Variants in FSHR observed in about 807,000 individuals in gnomAD.
The protein encoded by FSHR is follicle-stimulating hormone receptor.
In FSHR, 46 loss-of-function variants were observed where a neutral mutation model predicts 52.1. The ratio of observed to expected loss-of-function variants is 0.88; its 90% CI spans 0.70 to 1.13. The LOEUF is 1.13. Ranked by LOEUF, FSHR falls within the 50% of genes most tolerant of loss-of-function variation. FSHR has a pLI of 0.00. For synonymous variants in FSHR, 399 were observed against 309.6 expected (o/e 1.29, Z -3.03); for missense variants, 964 against 834.6 (o/e 1.16, Z -1.91).
chr2:49,023,166 T>A (rs1415123880), intron 2 of FSHR, among the ~76,000 whole-genome samples: 2 of 152,202 alleles, frequency 1.3e-5, no homozygotes, highest in African/African-American at 4.8e-5. Flanking sequence ...CCTCCTTTAC[T>A]CTACCAGCAC....
chr2:49,079,667 T>G (rs1670094921), intron 1 of FSHR, among the ~76,000 whole-genome samples: 1 of 152,122 alleles, frequency 6.6e-6, no homozygotes, highest in Admixed American at 6.5e-5. Flanking sequence ...CAATAAAGGA[T>G]GCTAAGACTA....
intron 1 of FSHR, among the ~76,000 whole-genome samples, chr2:49,150,416 T>A (rs1478000864): frequency 1.3e-5 from 2 of 152,120 alleles, no homozygotes; most frequent in African/African-American, 4.8e-5. Flanking sequence ...GAAAGCCCTC[T>A]GTGGTAGATA....
intron 1 of FSHR, among the ~76,000 whole-genome samples, chr2:49,095,091 T>C (rs979234209): frequency 2.8e-4 from 42 of 152,082 alleles, no homozygotes; most frequent in Non-Finnish European, 5.0e-4. Context: ...ATCAAAACGC[T>C]AGCTGCTTTT....
chr2:48,998,185 G>C (rs1336623298), intron 4 of FSHR, among the ~76,000 whole-genome samples: 4 of 151,818 alleles, frequency 2.6e-5, no homozygotes, highest in Non-Finnish European at 2.9e-5. Context: ...TTTGACAAAT[G>C]GCTGTCAGAA....
chr2:48,969,608 A>T (rs1484731885), intron 8 of FSHR, among the ~76,000 whole-genome samples: 1 of 152,246 alleles, frequency 6.6e-6, no homozygotes, highest in South Asian at 2.1e-4. Flanking sequence ...GTTAAAGTGC[A>T]TAAAGAACTT....
At chr2:48,981,928 A>G (rs1370072719) in intron 8 of FSHR, among the ~76,000 whole-genome samples, 2 of 152,180 alleles carry the variant, frequency 1.3e-5, no homozygotes, top group African/African-American at 4.8e-5. Context: ...CTACATAAGG[A>G]TCATTCAGTA....
intron 6 of FSHR, among the ~76,000 whole-genome samples, chr2:48,984,748 G>T (rs1573045965): frequency 6.6e-6 from 1 of 152,060 alleles, no homozygotes; most frequent in African/African-American, 2.4e-5. Flanking sequence ...AATCCATACA[G>T]GTTCCACCTA....
At chr2:48,991,635 G>A (rs966742253) in intron 4 of FSHR, among the ~76,000 whole-genome samples, 1 of 152,236 alleles carries the variant, frequency 6.6e-6, no homozygotes, top group Admixed American at 6.5e-5. Context: ...GGCTAGGCCA[G>A]GTGTTGTCCA....
chr2:48,963,161 G>C lies in FSHR; in HGVS notation c.1660C>G (p.Leu554Val), dbSNP rs951624168. The C allele has an allele frequency of 1.2e-6, 2 of 1,614,002 alleles. No homozygotes were observed. The highest frequency in any genetic ancestry group is 4.5e-5 in the East Asian group (2 of 44,874). ...VICGCYIHIY[L>V]TVRNPNIVSS... ...ACGATGTTGGGGTTCCGCACTGTGA[G>C]GTAGATGTGGATATAGCAGCCACAG... Residue 554 changes from leucine to valine, a missense_variant, in exon 10 of 10, where the codon CTC (leucine) becomes GTC (valine). By Grantham distance (32) the Leu-to-Val change is conservative. Transcript: ENST00000406846.
At chr2:49,076,985 T>C (rs1329966020) in intron 1 of FSHR, among the ~76,000 whole-genome samples, 2 of 152,150 alleles carry the variant, frequency 1.3e-5, no homozygotes, top group African/African-American at 4.8e-5. Flanking sequence ...CTCCCATGTG[T>C]CTTCCAGCCA....
intron 2 of FSHR, among the ~76,000 whole-genome samples, chr2:49,059,207 T>TA (rs1417740328): frequency 2.0e-5 from 3 of 150,760 alleles, no homozygotes; most frequent in East Asian, 3.9e-4. Flanking sequence ...CTCTAAAAAT[T>TA]AAAAAAATAA....
chr2:49,102,440 G>A (rs1327103603), intron 1 of FSHR, among the ~76,000 whole-genome samples: 4 of 152,134 alleles, frequency 2.6e-5, no homozygotes, highest in Non-Finnish European at 5.9e-5. Flanking sequence ...GACACTATGG[G>A]GTTGGAGTTC....
intron 1 of FSHR, among the ~76,000 whole-genome samples, chr2:49,145,686 T>C (rs1433608745): frequency 1.3e-5 from 2 of 152,064 alleles, no homozygotes; most frequent in African/African-American, 2.4e-5. Context: ...GGAAAAACAT[T>C]GTCACTGCTT....
At chr2:49,139,971 T>A (rs1452226219) in intron 1 of FSHR, among the ~76,000 whole-genome samples, 2 of 152,070 alleles carry the variant, frequency 1.3e-5, no homozygotes, top group Non-Finnish European at 2.9e-5. Flanking sequence ...AATTGATTTA[T>A]TAATGGTGGT....
chr2:49,033,404 T>C (rs1370331853), intron 2 of FSHR, among the ~76,000 whole-genome samples: 2 of 152,176 alleles, frequency 1.3e-5, no homozygotes, highest in Non-Finnish European at 2.9e-5. Context: ...TTATGGTTGG[T>C]TTTTCTTTCT....
chr2:49,011,187 C>A (rs966803270), intron 4 of FSHR, among the ~76,000 whole-genome samples: 1 of 151,010 alleles, frequency 6.6e-6, no homozygotes, highest in African/African-American at 2.4e-5. Flanking sequence ...TTTCCCTCTA[C>A]ACACTGCTTT....
chr2:49,114,522 C>T (rs1671532466), intron 1 of FSHR, among the ~76,000 whole-genome samples: 1 of 152,152 alleles, frequency 6.6e-6, no homozygotes, highest in Non-Finnish European at 1.5e-5. Context: ...GGCTGTAATA[C>T]TAAACAGCCA....
In FSHR at chr2:49,040,337, C is replaced by T. The variant is rs115383143; in HGVS notation, c.225-20177G>A. Among the ~76,000 whole-genome samples, 662 of 152,154 alleles carry T rather than the reference C, an allele frequency of 4.4e-3. 9 individuals carry two copies. The highest frequency in any genetic ancestry group is 0.015 in the African/African-American group (641 of 41,502). On this transcript the variant is annotated intron_variant, in intron 2 of 9. Transcript: ENST00000406846. The stretch of plus-strand genomic sequence containing the variant: ...GGGAGTGGGCTTTCTTAGAAGAGTA[C>T]CTCCCTATCCTTCTAACCCTGCTCT...
At chr2:49,115,813 A>T (rs1458668783) in intron 1 of FSHR, among the ~76,000 whole-genome samples, 1 of 152,186 alleles carries the variant, frequency 6.6e-6, no homozygotes, top group South Asian at 2.1e-4. Context: ...AATGATGAAT[A>T]TGATATAAAT....
Sources: allele counts gnomAD v4.1 joint callset (sites outside exome capture counted in the v4.1 genomes callset), GRCh38; gene constraint gnomAD v4.1.1; transcripts MANE v1.5; gene names NCBI Gene and HGNC (gene_info 2026-07-23, HGNC 2026-07-21).